The following ANAPC5 variants were observed in gnomAD, a reference collection of about 807,000 sequenced individuals.
The protein encoded by ANAPC5 is anaphase-promoting complex subunit 5.
Under a neutral mutation model 91.3 loss-of-function variants are expected in ANAPC5, and 60 were observed. That is an observed-to-expected ratio of 0.66 (90% confidence interval 0.53 to 0.81). The LOEUF (loss-of-function observed/expected upper bound fraction) is 0.81, where lower values mean the gene tolerates loss of function less well. ANAPC5 is among the 40% of genes least tolerant of loss of function. The pLI, the probability that ANAPC5 is intolerant of heterozygous loss-of-function variation, is 0.00. For synonymous variants in ANAPC5, 340 were observed against 364.1 expected (o/e 0.93, Z 0.75); for missense variants, 690 against 931.5 (o/e 0.74, Z 3.37).
chr12:121,349,577 A>T (rs1425078497), intron 1 of ANAPC5, among the ~76,000 whole-genome samples: 5 of 151,074 alleles, frequency 3.3e-5, no homozygotes, highest in African/African-American at 9.7e-5. Flanking sequence ...AAAAAAATTA[A>T]AAAAAAAATA....
At chr12:121,335,375 A>G in intron 7 of ANAPC5, 158 bp downstream of exon 7, 1 of 651,714 alleles carries the variant, frequency 1.5e-6, no homozygotes, top group Non-Finnish European at 2.4e-6. Context: ...CATTTTGGCC[A>G]GGCTGGTCTT....
chr12:121,353,913 G>C (rs1169917135), upstream of ANAPC5, among the ~76,000 whole-genome samples: 1 of 151,800 alleles, frequency 6.6e-6, no homozygotes, highest in Non-Finnish European at 1.5e-5. Flanking sequence ...AGGAATGCCA[G>C]GCTCAAGCAA....
intron 4 of ANAPC5, among the ~76,000 whole-genome samples, chr12:121,345,357 A>T (rs1289647623): frequency 6.6e-6 from 1 of 152,212 alleles, no homozygotes; most frequent in Non-Finnish European, 1.5e-5. Flanking sequence ...ACACATTCAA[A>T]TTGAGTAGTC....
At chr12:121,344,531 T>A (rs1463866586) in intron 4 of ANAPC5, among the ~76,000 whole-genome samples, 1 of 147,016 alleles carries the variant, frequency 6.8e-6, no homozygotes, top group African/African-American at 2.5e-5. Flanking sequence ...TTGCAGTGAG[T>A]CAAGATTGTG....
chr12:121,330,519 G>A (rs1903004396), intron 9 of ANAPC5, 64 bp downstream of exon 9: 1 of 1,341,864 alleles, frequency 7.5e-7, no homozygotes, highest in Non-Finnish European at 1.1e-6. Flanking sequence ...GACAGAGGTG[G>A]GCAGAAAAAG....
At chr12:121,310,969 T>C (rs994638260) in intron 15 of ANAPC5, among the ~76,000 whole-genome samples, 2 of 141,622 alleles carry the variant, frequency 1.4e-5, no homozygotes, top group African/African-American at 5.4e-5. Flanking sequence ...TTAGAAATAA[T>C]GACATTAAAG....
At chr12:121,318,644 C>T (rs988420481) in intron 13 of ANAPC5, 36 bp from the exon 14 acceptor site, 27 of 1,532,566 alleles carry the variant, frequency 1.8e-5, no homozygotes, top group Non-Finnish European at 2.4e-5. Context: ...AGTGTTTTAA[C>T]TAGTCACTTT....
At chr12:121,311,291 G>A (rs1368821761) in intron 15 of ANAPC5, among the ~76,000 whole-genome samples, 1 of 152,050 alleles carries the variant, frequency 6.6e-6, no homozygotes, top group Non-Finnish European at 1.5e-5. Flanking sequence ...CAAATCAGCT[G>A]AAAGTAAAAG....
chr12:121,314,914 A>C (rs1335092733), intron 15 of ANAPC5, among the ~76,000 whole-genome samples: 1 of 152,172 alleles, frequency 6.6e-6, no homozygotes, highest in Non-Finnish European at 1.5e-5. Context: ...GGTGTGAGAC[A>C]CCGAGCCAAG....
chr12:121,319,398 A>C (rs1229534229), intron 13 of ANAPC5, among the ~76,000 whole-genome samples: 1 of 151,648 alleles, frequency 6.6e-6, no homozygotes, highest in Non-Finnish European at 1.5e-5. Flanking sequence ...ATGCCTGGCT[A>C]ATTTTTTGTA....
At chr12:121,334,119 T>C (rs1203562778) in intron 7 of ANAPC5, 2 of 152,116 alleles carry the variant, frequency 1.3e-5, no homozygotes, top group African/African-American at 4.8e-5. Flanking sequence ...CTACAAAAAA[T>C]AATTTTTAAA....
Position 121,319,656 on chromosome 12 carries a change from A to T in ANAPC5, c.1637+41T>A, listed in dbSNP as rs1013721308. Reference sequence around the variant, plus strand: ...TAAAACAAAAACAAAACCATTTAACAATTATTTTATTCTGGGGTTAGAGTT... The same window carrying T: ...TAAAACAAAAACAAAACCATTTAACTATTATTTTATTCTGGGGTTAGAGTT... On this transcript the variant is annotated intron_variant, in intron 13 of 16. Coordinates refer to ENST00000261819, the MANE Select transcript of ANAPC5 (RefSeq NM_016237.5). 3.2e-6 allele frequency: 5 copies of T among 1,567,078 alleles called. No homozygotes were observed. In the African/African-American group the frequency reaches 4.2e-5, roughly 13 times the overall value.
intron 7 of ANAPC5, chr12:121,332,124 C>T (rs1903066333): frequency 6.6e-6 from 1 of 152,136 alleles, no homozygotes; most frequent in South Asian, 2.1e-4. Context: ...CTCATACCAC[C>T]ATGCCCAGCT....
Position 121,322,893 on chromosome 12 carries a change from C to T in ANAPC5, c.1441-2434G>A, listed in dbSNP as rs141069279. Among the ~76,000 whole-genome samples, 8 of 152,172 alleles carry T rather than the reference C, an allele frequency of 5.3e-5. No homozygotes were observed. In the East Asian group the frequency reaches 1.5e-3, roughly 29 times the overall value. On this transcript the variant is annotated intron_variant, in intron 11 of 16. Transcript: ENST00000261819. ...CAAAAAAATAAGCCGGGCGCAGTGG[C>T]AGGTGCCTGTAATCCCAGCTACTCA...
At chr12:121,312,757 G>A (rs1027841483) in intron 15 of ANAPC5, among the ~76,000 whole-genome samples, 12 of 150,108 alleles carry the variant, frequency 8.0e-5, no homozygotes, top group African/African-American at 2.9e-4. Flanking sequence ...GTGCACGTCT[G>A]TAATCCCAGC....
At chr12:121,347,579 C>T in intron 2 of ANAPC5, 1 of 513,526 alleles carries the variant, frequency 1.9e-6, no homozygotes, top group Non-Finnish European at 3.4e-6. Context: ...TGCGTTGAGC[C>T]CTGATTGCAC....
At chr12:121,351,207 C>A (rs782028408) in intron 1 of ANAPC5, 2 of 365,088 alleles carry the variant, frequency 5.5e-6, no homozygotes, top group East Asian at 8.8e-5. Context: ...CCCGTCTCTA[C>A]AAAAAATGCA....
In ANAPC5 at chr12:121,352,352, ACTAAGTCTCGGGCCCGCGG is replaced by A; in HGVS notation, c.-31_-13del. On this transcript the variant is annotated 5_prime_UTR_variant, in exon 1 of 17. Transcript: ENST00000261819. Reference sequence around the variant, plus strand: ...TGGACGCTGGCCATGGCGGCCCGAGACTAAGTCTCGGGCCCGCGGCGCGCTGCCGCCAGTTGTCACCACA... The same window carrying A: ...TGGACGCTGGCCATGGCGGCCCGAGACGCGCTGCCGCCAGTTGTCACCACA... 6.3e-7 allele frequency: 1 copy of A among 1,586,068 alleles called. No individual in the cohort carries two copies. Among genetic ancestry groups the A allele is most frequent in the Non-Finnish European group, 8.6e-7 (1 of 1,163,112 alleles).
intron 9 of ANAPC5, among the ~76,000 whole-genome samples, chr12:121,329,884 G>T (rs944986308): frequency 6.6e-6 from 1 of 152,078 alleles, no homozygotes; most frequent in Non-Finnish European, 1.5e-5. Flanking sequence ...CAAAGTGCTG[G>T]GATTACAGGT....
Sources: gnomAD v4.1 joint callset for allele counts (sites outside exome capture counted in the v4.1 genomes callset) on GRCh38, gnomAD v4.1.1 for gene constraint, MANE v1.5 for transcripts, NCBI Gene and HGNC (gene_info 2026-07-23, HGNC 2026-07-21) for gene names.